The following CNTNAP2 variants were observed in gnomAD, a reference collection of about 807,000 sequenced individuals.
The protein encoded by CNTNAP2 is contactin-associated protein-like 2.
Under a neutral mutation model 155.2 loss-of-function variants are expected in CNTNAP2, and 98 were observed. That is an observed-to-expected ratio of 0.63 (90% CI 0.54 to 0.75). The LOEUF is 0.75. Ranked by LOEUF, CNTNAP2 falls within the 30% of genes least tolerant of loss-of-function variation. The pLI is 0.00. For synonymous variants in CNTNAP2, 651 were observed against 631.2 expected, an observed-to-expected ratio of 1.03 and a Z score of -0.47; for missense variants, 1,727 against 1,688.1, an observed-to-expected ratio of 1.02 and a Z score of -0.40.
chr7:146,419,658 G>GA (rs1241569016), intron 1 of CNTNAP2, among the ~76,000 whole-genome samples: 1 of 152,086 alleles, frequency 6.6e-6, no homozygotes, highest in Non-Finnish European at 1.5e-5. Context: ...GCAAAGATAT[G>GA]AAAAGGTGCT....
chr7:146,128,350 C>T (rs1480559248), intron 1 of CNTNAP2, among the ~76,000 whole-genome samples: 1 of 152,168 alleles, frequency 6.6e-6, no homozygotes, highest in Non-Finnish European at 1.5e-5. Flanking sequence ...CATTTTAAAG[C>T]TCACTGGTTC....
At chr7:146,969,471 C>T (rs951205606) in intron 3 of CNTNAP2, among the ~76,000 whole-genome samples, 2 of 152,082 alleles carry the variant, frequency 1.3e-5, no homozygotes, top group African/African-American at 2.4e-5. Flanking sequence ...TCACTCAGGA[C>T]TTGCTTTATG....
At chr7:148,331,727 G>A (rs1278910476) in intron 21 of CNTNAP2, among the ~76,000 whole-genome samples, 1 of 151,298 alleles carries the variant, frequency 6.6e-6, no homozygotes, top group Admixed American at 6.6e-5. Flanking sequence ...GGATGGATTG[G>A]ATGGATGGAG....
intron 3 of CNTNAP2, among the ~76,000 whole-genome samples, chr7:147,001,366 C>G (rs982868804): frequency 6.6e-6 from 1 of 151,774 alleles, no homozygotes; most frequent in African/African-American, 2.4e-5. Context: ...CTATTGGGCA[C>G]CTTTAAATGG....
chr7:146,358,745 A>T (rs181186430), intron 1 of CNTNAP2, among the ~76,000 whole-genome samples: 9 of 152,336 alleles, frequency 5.9e-5, no homozygotes, highest in Middle Eastern at 6.8e-3. Flanking sequence ...TAAAATGATG[A>T]TTCAACTAAT....
At chr7:146,503,753 G>A (rs1489630266) in intron 1 of CNTNAP2, among the ~76,000 whole-genome samples, 2 of 152,122 alleles carry the variant, frequency 1.3e-5, no homozygotes, top group African/African-American at 4.8e-5. Flanking sequence ...ATAAATGCAT[G>A]GAGTTATTTC....
intron 21 of CNTNAP2, among the ~76,000 whole-genome samples, chr7:148,289,152 A>AGTT (rs995604955): frequency 1.3e-5 from 2 of 152,064 alleles, no homozygotes; most frequent in African/African-American, 4.8e-5. Context: ...CAGAAATTTC[A>AGTT]GTTGTCTCCC....
At chr7:147,463,053 A>G (rs756997383) in intron 10 of CNTNAP2, among the ~76,000 whole-genome samples, 4 of 152,240 alleles carry the variant, frequency 2.6e-5, no homozygotes, top group Non-Finnish European at 4.4e-5. Context: ...ATGAAAGAGT[A>G]AGCGTGTAAG....
At chr7:147,799,434 G>T (rs981359364) in intron 13 of CNTNAP2, among the ~76,000 whole-genome samples, 1 of 152,076 alleles carries the variant, frequency 6.6e-6, no homozygotes, top group African/African-American at 2.4e-5. Flanking sequence ...AGAAGACGTG[G>T]TCCCAGCTAT....
chr7:148,114,090 G>A (rs997842922), intron 15 of CNTNAP2, among the ~76,000 whole-genome samples: 4 of 152,146 alleles, frequency 2.6e-5, no homozygotes, highest in South Asian at 2.1e-4. Flanking sequence ...TACCTCCATA[G>A]CACTGACCTT....
chr7:148,004,867 A>G (rs1801948450), intron 15 of CNTNAP2, among the ~76,000 whole-genome samples: 1 of 152,242 alleles, frequency 6.6e-6, no homozygotes, highest in Admixed American at 6.5e-5. Flanking sequence ...AAGAATGTTC[A>G]ATAATCAAGC....
In CNTNAP2 at chr7:147,430,868, TC is replaced by T. The variant is rs541223888; in HGVS notation, c.1670+35090del. 1.9e-3 allele frequency among the ~76,000 whole-genome samples: 285 copies of T among 151,924 alleles called. 1 individual carries two copies. Among genetic ancestry groups the T allele is most frequent in the Non-Finnish European group, 3.5e-3 (235 of 67,956 alleles). ...TCACGAGGTCAGGAGATCGAGACCA[TC>T]CTGGCTAACACAGTGAGACACCGTC... is the stretch of plus-strand genomic sequence containing the variant. On this transcript the variant is annotated intron_variant, in intron 10 of 23. Coordinates refer to ENST00000361727, the MANE Select transcript of CNTNAP2 (RefSeq NM_014141.6).
At chr7:147,097,331 G>C (rs929411098) in intron 4 of CNTNAP2, 3 of 152,230 alleles carry the variant, frequency 2.0e-5, no homozygotes, top group Non-Finnish European at 4.4e-5. Flanking sequence ...ATGAATAGTT[G>C]TATGGATGGA....
intron 1 of CNTNAP2, among the ~76,000 whole-genome samples, chr7:146,662,188 A>T (rs1215922510): frequency 6.6e-6 from 1 of 151,322 alleles, no homozygotes; most frequent in Non-Finnish European, 1.5e-5. Flanking sequence ...CCCGGGCTGG[A>T]GTGCAATGGC....
intron 13 of CNTNAP2, among the ~76,000 whole-genome samples, chr7:147,872,303 G>A (rs567821339): frequency 1.3e-5 from 2 of 152,216 alleles, no homozygotes; most frequent in East Asian, 3.9e-4. Context: ...TATTTTTGAA[G>A]CCCACAAGCA....
intron 18 of CNTNAP2, among the ~76,000 whole-genome samples, chr7:148,174,045 T>A (rs968002105): frequency 1.3e-5 from 2 of 152,056 alleles, no homozygotes; most frequent in African/African-American, 4.8e-5. Flanking sequence ...TAAAGTGAAA[T>A]GACGCCTGTG....
chr7:147,752,180 C>T (rs141212786), intron 13 of CNTNAP2, among the ~76,000 whole-genome samples: 151 of 152,282 alleles, frequency 9.9e-4, no homozygotes, highest in African/African-American at 3.5e-3. Context: ...AACTGACTTC[C>T]TTTTTAATTG....
At chr7:146,906,853 T>C (rs1051837482) in intron 3 of CNTNAP2, among the ~76,000 whole-genome samples, 12 of 149,646 alleles carry the variant, frequency 8.0e-5, no homozygotes, top group African/African-American at 2.9e-4. Flanking sequence ...CAAATTACTC[T>C]GAGCTACGGG....
chr7:146,261,810 A>C (rs1799923164), intron 1 of CNTNAP2, among the ~76,000 whole-genome samples: 1 of 152,168 alleles, frequency 6.6e-6, no homozygotes, highest in African/African-American at 2.4e-5. Context: ...TCTATTTGAA[A>C]ATGTATCCTG....
Sources: allele counts gnomAD v4.1 joint callset (sites outside exome capture counted in the v4.1 genomes callset), GRCh38; gene constraint gnomAD v4.1.1; transcripts MANE v1.5; gene names NCBI Gene and HGNC (gene_info 2026-07-23, HGNC 2026-07-21).